Variants in KLC2 observed in about 807,000 individuals in gnomAD.
KLC2 encodes the protein kinesin light chain 2.
In KLC2, 35 loss-of-function variants were observed where a neutral mutation model predicts 75.1. That is an observed-to-expected ratio of 0.47 (90% CI 0.36 to 0.62). KLC2 has a LOEUF of 0.62. KLC2 is among the 20% of genes least tolerant of loss of function. KLC2 has a pLI of 0.00. For synonymous variants in KLC2, 314 were observed against 336.7 expected, an observed-to-expected ratio of 0.93 and a Z score of 0.74; for missense variants, 611 against 833.2, an observed-to-expected ratio of 0.73 and a Z score of 3.28.
upstream of KLC2, among the ~76,000 whole-genome samples, chr11:66,254,982 A>G (rs140548538): frequency 7.5e-3 from 1,148 of 152,124 alleles, 23 homozygotes; most frequent in African/African-American, 0.026. Context: ...CCAAATCTCA[A>G]TCTCTAGAGG....
chr11:66,248,470 A>C, the KLC2 span, among the ~76,000 whole-genome samples: 1 of 152,104 alleles, frequency 6.6e-6, no homozygotes, highest in East Asian at 1.9e-4. Context: ...AAATACAAAA[A>C]TTAGCCAGGC....
chr11:66,262,495 A>G, intron 4 of KLC2: 2 of 549,524 alleles, frequency 3.6e-6, no homozygotes, highest in South Asian at 4.5e-5. Flanking sequence ...AGGCACATGC[A>G]GACAGCCACA....
At chr11:66,245,365 G>C in the KLC2 span, among the ~76,000 whole-genome samples, 1 of 152,152 alleles carries the variant, frequency 6.6e-6, no homozygotes, top group Non-Finnish European at 1.5e-5. Flanking sequence ...CGTTTTGCCC[G>C]AACTCAGGAG....
chr11:66,266,014 T>C lies in KLC2; in HGVS notation c.1602+2T>C. On this transcript the variant is annotated splice_donor_variant, in intron 13 of 15. Transcript: ENST00000394067. LOFTEE classifies it high-confidence loss of function. ...GGACCTACAGCTGAGTGGAATGGGGTGAGTCCGGGGCCTGGGCCGGGTCGG... is the reference window on the plus strand; with the variant it reads ...GGACCTACAGCTGAGTGGAATGGGGCGAGTCCGGGGCCTGGGCCGGGTCGG... 1 of 1,612,734 alleles carries C rather than the reference T, an allele frequency of 6.2e-7. No homozygotes were observed. Among genetic ancestry groups the C allele is most frequent in the Non-Finnish European group, 8.5e-7 (1 of 1,179,206 alleles).
At chr11:66,259,189 G>C (rs1188167490) in intron 2 of KLC2, among the ~76,000 whole-genome samples, 13 of 152,170 alleles carry the variant, frequency 8.5e-5, no homozygotes, top group Admixed American at 8.5e-4. Context: ...GGTGTTAGGT[G>C]GATACAGGGC....
the KLC2 span, among the ~76,000 whole-genome samples, chr11:66,245,845 G>C: frequency 1.3e-5 from 2 of 152,366 alleles, no homozygotes; most frequent in Non-Finnish European, 2.9e-5. Flanking sequence ...TCGTGCCACC[G>C]CACTCCAGCC....
chr11:66,262,266 C>T lies in KLC2; in HGVS notation c.529+74C>T. ...CTTGGTCCTTGGGACCGAGTGGCTG[C>T]CATGTTCCTTCCTGCCTCACTTCTG... On this transcript the variant is annotated intron_variant, in intron 4 of 15. Transcript: ENST00000394067. 2.5e-6 allele frequency: 3 copies of T among 1,189,566 alleles called. No homozygotes were observed. In the South Asian group the frequency reaches 3.8e-5, roughly 15 times the overall value. 73.7% of individuals were successfully genotyped at this position (1,189,566 alleles called of 1,614,324 possible).
chr11:66,253,318 A>G (rs1373695007), upstream of KLC2, among the ~76,000 whole-genome samples: 2 of 152,172 alleles, frequency 1.3e-5, no homozygotes, highest in Non-Finnish European at 2.9e-5. Context: ...AAAGTGCCCC[A>G]GCCACTTCAG....
chr11:66,258,782 G>C lies in KLC2; in HGVS notation c.188G>C (p.Arg63Pro), dbSNP rs1856188975. 1.2e-6 allele frequency: 2 copies of C among 1,613,054 alleles called. No homozygotes were observed. Among genetic ancestry groups the C allele is most frequent in the Non-Finnish European group, 1.7e-6 (2 of 1,179,804 alleles). The change falls in exon 2 of 16, where the codon CGC (arginine) becomes CCC (proline). Residue 63 changes from arginine to proline, a missense_variant. Transcript: ENST00000394067. ...GSQERCILLRRSLEAIELGLG... is the reference protein window; with the variant it reads ...GSQERCILLRPSLEAIELGLG... ...CAGGAGCGCTGCATCCTCCTGCGTC[G>C]CTCCCTGGAAGCCATTGAGCTTGGG...
chr11:66,258,585 CGCCACA>C lies in KLC2; in HGVS notation c.-5_1del. ...CTGCCCGCACCCTCGTCCTCACAGA[CGCCACA>C]GCCATGGCCATGATGGTGTTTCCGC... On this transcript the variant is annotated splice_region_variant and 5_prime_UTR_variant, in exon 2 of 16. Coordinates refer to ENST00000394067, the MANE Select transcript of KLC2 (RefSeq NM_001318734.2). The C allele has an allele frequency of 6.2e-7, 1 of 1,602,242 alleles. No individual in the cohort carries two copies. Among genetic ancestry groups the C allele is most frequent in the Non-Finnish European group, 8.5e-7 (1 of 1,170,486 alleles).
chr11:66,255,590 A>G (rs1176113783), upstream of KLC2, among the ~76,000 whole-genome samples: 1 of 152,170 alleles, frequency 6.6e-6, no homozygotes, highest in Non-Finnish European at 1.5e-5. Context: ...CTGGAGGAAA[A>G]TTGACCAGCT....
chr11:66,258,497 C>T, intron 1 of KLC2, 87 bp from the exon 2 acceptor site: 1 of 886,794 alleles, frequency 1.1e-6, no homozygotes, highest in Non-Finnish European at 1.8e-6. Flanking sequence ...CTCAGGCGTC[C>T]GGGGACCGCC....
chr11:66,266,858 C>T lies in KLC2; in HGVS notation c.1786-15C>T. 6.2e-7 allele frequency: 1 copy of T among 1,612,164 alleles called. No homozygotes were observed. The highest frequency in any genetic ancestry group is 8.5e-7 in the Non-Finnish European group (1 of 1,179,320). On this transcript the variant is annotated splice_polypyrimidine_tract_variant and intron_variant, in intron 15 of 15. Transcript: ENST00000394067. ...AGCAGCACAGGGCTGAGCCACCTGC[C>T]CCCTCTGCCCACAGCCTGGAGGCAC...
intron 9 of KLC2, 144 bp from the exon 10 acceptor site, chr11:66,264,879 C>T: frequency 1.4e-6 from 1 of 695,102 alleles, no homozygotes; most frequent in Non-Finnish European, 2.5e-6. Flanking sequence ...AGAAGAGGGT[C>T]AGCAGTGTTT....
chr11:66,254,115 G>A (rs534204834), upstream of KLC2, among the ~76,000 whole-genome samples: 41 of 152,120 alleles, frequency 2.7e-4, no homozygotes, highest in Non-Finnish European at 7.3e-5. Context: ...CCAGCTACTC[G>A]GGAGGCTGAG....
chr11:66,246,846 C>T, the KLC2 span, among the ~76,000 whole-genome samples: 1 of 152,184 alleles, frequency 6.6e-6, no homozygotes, highest in Non-Finnish European at 1.5e-5. Context: ...GTCTTTCCAC[C>T]TGGCCTGTGG....
intron 2 of KLC2, among the ~76,000 whole-genome samples, chr11:66,259,999 A>G (rs1856278183): frequency 6.6e-6 from 1 of 152,164 alleles, no homozygotes; most frequent in Non-Finnish European, 1.5e-5. Context: ...GGAGATGTCC[A>G]GGAGCCATTG....
At position 66,267,199 on chromosome 11, in the gene KLC2, G is replaced by GC; in HGVS notation, c.*244dup. 1 of 1,549,290 alleles carries GC rather than the reference G, an allele frequency of 6.5e-7. No homozygotes were observed. Among genetic ancestry groups the GC allele is most frequent in the Non-Finnish European group, 8.7e-7 (1 of 1,145,972 alleles). On this transcript the variant is annotated 3_prime_UTR_variant, in exon 16 of 16. Coordinates refer to ENST00000394067, the MANE Select transcript of KLC2 (RefSeq NM_001318734.2). ...GGCCCTCTTCCCTAGGTTCGGGCCA[G>GC]CAGGAGGTGCCGGCTGGAGTCTCCA...
intron 9 of KLC2, 25 bp from the exon 10 acceptor site, chr11:66,264,998 G>C: frequency 6.2e-7 from 1 of 1,612,226 alleles, no homozygotes; most frequent in South Asian, 1.1e-5. Context: ...TGGTAGGCTG[G>C]TGACAGTCCC....
Sources: gnomAD v4.1 joint callset for allele counts (sites outside exome capture counted in the v4.1 genomes callset) on GRCh38, gnomAD v4.1.1 for gene constraint, MANE v1.5 for transcripts, NCBI Gene and HGNC (gene_info 2026-07-23, HGNC 2026-07-21) for gene names.